SCFD2: variants seen among roughly 807,000 people sequenced by gnomAD.
SCFD2 encodes sec1 family domain containing 2, also known as sec1 family domain-containing protein 2.
A neutral mutation model predicts 58.9 loss-of-function variants in SCFD2; 54 were observed. That is an observed-to-expected ratio of 0.92 (90% confidence interval 0.74 to 1.15). SCFD2 has a LOEUF of 1.15. Among genes scored for constraint, SCFD2 ranks in the 50% most tolerant of loss-of-function variants. The probability of loss-of-function intolerance (pLI) is 0.00; values close to 1 mark genes in which losing one functional copy is unlikely to be tolerated. For synonymous variants in SCFD2, 321 were observed against 335.9 expected, an observed-to-expected ratio of 0.96 and a Z score of 0.49; for missense variants, 805 against 836.6, an observed-to-expected ratio of 0.96 and a Z score of 0.47.
chr4:53,291,054 A>T (rs1731823267), intron 3 of SCFD2, among the ~76,000 whole-genome samples: 2 of 152,090 alleles, frequency 1.3e-5, no homozygotes, highest in African/African-American at 4.8e-5. Flanking sequence ...AAGCCCACAC[A>T]AAAAAATTAG....
At chr4:52,960,782 A>C (rs1720832783) in intron 5 of SCFD2, among the ~76,000 whole-genome samples, 1 of 152,092 alleles carries the variant, frequency 6.6e-6, no homozygotes, top group South Asian at 2.1e-4. Flanking sequence ...CACTCACAAC[A>C]ACAAAAATTT....
intron 5 of SCFD2, among the ~76,000 whole-genome samples, chr4:52,989,061 A>C (rs1721563799): frequency 6.6e-6 from 1 of 152,222 alleles, no homozygotes; most frequent in South Asian, 2.1e-4. Context: ...AACCTAACAA[A>C]GAACATCAGA....
At chr4:53,334,172 C>T (rs1394600381) in intron 2 of SCFD2, among the ~76,000 whole-genome samples, 4 of 150,780 alleles carry the variant, frequency 2.7e-5, no homozygotes, top group Admixed American at 6.6e-5. Context: ...ACTAGTTCAA[C>T]CATTGTGGAA....
intron 2 of SCFD2, among the ~76,000 whole-genome samples, chr4:53,347,884 A>G (rs1734101653): frequency 1.3e-5 from 2 of 152,374 alleles, no homozygotes; most frequent in South Asian, 2.1e-4. Context: ...CTGCAGGTGC[A>G]GGGTTAGCGC....
At chr4:53,148,134 G>T (rs1265072007) in intron 4 of SCFD2, among the ~76,000 whole-genome samples, 2 of 152,038 alleles carry the variant, frequency 1.3e-5, no homozygotes, top group East Asian at 3.9e-4. Context: ...TCCTACAGGG[G>T]CCCTCTGGGT....
chr4:52,899,644 C>T (rs963546160), intron 7 of SCFD2, among the ~76,000 whole-genome samples: 10 of 152,194 alleles, frequency 6.6e-5, no homozygotes, highest in African/African-American at 1.7e-4. Flanking sequence ...TTGCTCTTCT[C>T]GAGGAGTATC....
intron 3 of SCFD2, among the ~76,000 whole-genome samples, chr4:53,294,777 T>C (rs1218439575): frequency 6.6e-6 from 1 of 152,180 alleles, no homozygotes; most frequent in Non-Finnish European, 1.5e-5. Flanking sequence ...TTTCAGGTAT[T>C]GCGTTTAAGT....
intron 5 of SCFD2, among the ~76,000 whole-genome samples, chr4:53,128,231 G>T (rs1326964096): frequency 6.6e-6 from 1 of 151,982 alleles, no homozygotes; most frequent in African/African-American, 2.4e-5. Context: ...GTGCACATAC[G>T]CCATCAAAAA....
Position 53,308,329 on chromosome 4 carries a change from GTA to G in SCFD2, c.1135+5305_1135+5306del, listed in dbSNP as rs544409280. On this transcript the variant is annotated intron_variant, in intron 3 of 8. Transcript: ENST00000401642. ...AAAGATGTGTGTGAGTCAATAATCA[GTA>G]TATGTCTCTTATGAGGCAGCCAGAT... is the stretch of plus-strand genomic sequence containing the variant. 1.7e-3 allele frequency among the ~76,000 whole-genome samples: 256 copies of G among 152,254 alleles called. 1 individual carries two copies. Among genetic ancestry groups the G allele is most frequent in the African/African-American group, 5.9e-3 (246 of 41,552 alleles).
intron 3 of SCFD2, among the ~76,000 whole-genome samples, chr4:53,308,901 C>A (rs1270758425): frequency 6.6e-6 from 1 of 152,002 alleles, no homozygotes; most frequent in Non-Finnish European, 1.5e-5. Flanking sequence ...AAGGCCGAGG[C>A]GGGCGGATCA....
chr4:52,970,984 C>G (rs750537768), intron 5 of SCFD2, among the ~76,000 whole-genome samples: 7 of 152,168 alleles, frequency 4.6e-5, no homozygotes, highest in Non-Finnish European at 7.3e-5. Flanking sequence ...AACTAACAAA[C>G]AGAAAGGACA....
chr4:53,051,551 T>C (rs74564213), intron 5 of SCFD2, among the ~76,000 whole-genome samples: 1,613 of 152,314 alleles, frequency 0.011, 29 homozygotes, highest in African/African-American at 0.037. Flanking sequence ...CATGCTATGC[T>C]TGGCTTGAGT....
At chr4:52,972,419 A>C (rs573204758) in intron 5 of SCFD2, among the ~76,000 whole-genome samples, 1 of 152,348 alleles carries the variant, frequency 6.6e-6, no homozygotes, top group East Asian at 1.9e-4. Context: ...AGAGACAAAG[A>C]AGGCCATTAC....
intron 5 of SCFD2, among the ~76,000 whole-genome samples, chr4:53,027,453 C>T (rs1285573625): frequency 6.6e-6 from 1 of 152,184 alleles, no homozygotes; most frequent in African/African-American, 2.4e-5. Context: ...GCATTTGTTA[C>T]TTTGGCAATT....
At chr4:53,036,703 G>A (rs1722770196) in intron 5 of SCFD2, among the ~76,000 whole-genome samples, 1 of 152,028 alleles carries the variant, frequency 6.6e-6, no homozygotes, top group Admixed American at 6.6e-5. Flanking sequence ...GGGGGTGTGG[G>A]GCTAGGGAAA....
chr4:53,204,537 C>A, intron 4 of SCFD2, among the ~76,000 whole-genome samples: 1 of 149,262 alleles, frequency 6.7e-6, no homozygotes, highest in South Asian at 2.1e-4. Context: ...AAAAAGAAGA[C>A]AAAAGAAATA....
At chr4:53,364,658 G>A (rs969946190) in intron 1 of SCFD2, among the ~76,000 whole-genome samples, 3 of 152,166 alleles carry the variant, frequency 2.0e-5, no homozygotes, top group Non-Finnish European at 4.4e-5. Flanking sequence ...TCAATTGTCT[G>A]TAATAATTTT....
At chr4:53,132,318 G>A (rs1282410618) in intron 5 of SCFD2, among the ~76,000 whole-genome samples, 1 of 152,120 alleles carries the variant, frequency 6.6e-6, no homozygotes, top group Non-Finnish European at 1.5e-5. Context: ...ATTTCTCCTG[G>A]GAGTGATTTT....
intron 5 of SCFD2, among the ~76,000 whole-genome samples, chr4:53,122,754 T>C (rs568811521): frequency 9.2e-5 from 14 of 152,316 alleles, no homozygotes; most frequent in African/African-American, 3.4e-4. Flanking sequence ...TAACACCTAC[T>C]TCACAGGATT....
Sources: gnomAD v4.1 joint callset for allele counts (sites outside exome capture counted in the v4.1 genomes callset) on GRCh38, gnomAD v4.1.1 for gene constraint, MANE v1.5 for transcripts, NCBI Gene and HGNC (gene_info 2026-07-23, HGNC 2026-07-21) for gene names.